Variants in KATNIP observed in about 807,000 individuals in gnomAD.
KATNIP encodes the protein katanin-interacting protein.
In KATNIP, 126 loss-of-function variants were observed where a neutral mutation model predicts 174.0. The observed-to-expected ratio is 0.72, with a 90% CI of 0.63 to 0.84. The LOEUF (loss-of-function observed/expected upper bound fraction) is 0.84, where lower values mean the gene tolerates loss of function less well. Ranked by LOEUF, KATNIP falls within the 40% of genes least tolerant of loss-of-function variation. The pLI is 0.00. For synonymous variants in KATNIP, 810 were observed against 835.7 expected (o/e 0.97, Z 0.53); for missense variants, 1,958 against 2,109.7 (o/e 0.93, Z 1.41).
chr16:27,559,268 T>C (rs2089753357), intron 1 of KATNIP, among the ~76,000 whole-genome samples: 1 of 152,214 alleles, frequency 6.6e-6, no homozygotes, highest in South Asian at 2.1e-4. Flanking sequence ...ATAGAATTTC[T>C]CTGGGGAATT....
At chr16:27,721,719 C>CA in intron 14 of KATNIP, 24 bp downstream of exon 14, 6 of 1,610,224 alleles carry the variant, frequency 3.7e-6, no homozygotes, top group Non-Finnish European at 5.1e-6. Context: ...GCTGGTTCCC[C>CA]ACTGGGCACT....
In KATNIP at chr16:27,645,949, G is replaced by A. The variant is rs778182271; in HGVS notation, c.409-2655G>A. Among the ~76,000 whole-genome samples the A allele has an allele frequency of 4.0e-4, 61 of 152,194 alleles. 1 individual carries two copies. Among genetic ancestry groups the A allele is most frequent in the Non-Finnish European group, 7.8e-4 (53 of 68,046 alleles). On this transcript the variant is annotated intron_variant, in intron 5 of 27. Transcript: ENST00000261588. ...AGTGGGGCACATGGCCACCTCAGTA[G>A]AGTCAGGCAGCTGACAGATACCAGG...
intron 6 of KATNIP, among the ~76,000 whole-genome samples, chr16:27,660,659 TGGG>T (rs2077447851): frequency 6.7e-6 from 1 of 148,336 alleles, no homozygotes; most frequent in African/African-American, 2.5e-5. Flanking sequence ...TTTTAAGAGA[TGGG>T]GTCTCACTAC....
chr16:27,565,366 T>C (rs2090044268), intron 1 of KATNIP, among the ~76,000 whole-genome samples: 1 of 150,540 alleles, frequency 6.6e-6, no homozygotes. Flanking sequence ...CTTGGGAGGC[T>C]GAGGTGGGAG....
chr16:27,745,997 C>A (rs1189395307), intron 15 of KATNIP, among the ~76,000 whole-genome samples: 1 of 121,796 alleles, frequency 8.2e-6, no homozygotes, highest in Non-Finnish European at 1.6e-5. Context: ...TGGAGTCTTG[C>A]TATGTCACCC....
chr16:27,563,001 G>A (rs1452923541), intron 1 of KATNIP, among the ~76,000 whole-genome samples: 2 of 152,042 alleles, frequency 1.3e-5, no homozygotes, highest in African/African-American at 4.8e-5. Flanking sequence ...TCAGAAATTC[G>A]GTCATTTACT....
At chr16:27,601,187 A>G (rs965142094) in intron 2 of KATNIP, among the ~76,000 whole-genome samples, 1 of 151,922 alleles carries the variant, frequency 6.6e-6, no homozygotes, top group Non-Finnish European at 1.5e-5. Flanking sequence ...AATCCTTTAT[A>G]AGCTCCTTGT....
chr16:27,617,326 C>T (rs2076070597), intron 2 of KATNIP, among the ~76,000 whole-genome samples: 1 of 152,182 alleles, frequency 6.6e-6, no homozygotes, highest in African/African-American at 2.4e-5. Context: ...GCTTCATTCT[C>T]AGGCGGTTCC....
intron 6 of KATNIP, chr16:27,669,395 A>G: frequency 1.5e-6 from 1 of 653,674 alleles, no homozygotes; most frequent in African/African-American, 2.0e-5. Context: ...CCTGGCCTCC[A>G]TGCAGAGGGC....
chr16:27,756,029 C>T (rs2081710349), intron 18 of KATNIP, among the ~76,000 whole-genome samples: 1 of 152,048 alleles, frequency 6.6e-6, no homozygotes, highest in African/African-American at 2.4e-5. Flanking sequence ...CTTCCCGCCA[C>T]CAGAGGACTA....
At chr16:27,654,710 A>G in intron 6 of KATNIP, 1 of 1,352,014 alleles carries the variant, frequency 7.4e-7, no homozygotes, top group Non-Finnish European at 9.8e-7. Context: ...CAAAGAAAGG[A>G]TCCTCTTAAC....
At chr16:27,574,233 A>T (rs1056627208) in intron 2 of KATNIP, 3 of 436,382 alleles carry the variant, frequency 6.9e-6, no homozygotes, top group African/African-American at 6.0e-5. Context: ...TAAAACAACA[A>T]CCATATATTT....
intron 2 of KATNIP, among the ~76,000 whole-genome samples, chr16:27,603,238 T>C (rs1490009603): frequency 2.6e-5 from 4 of 152,220 alleles, no homozygotes; most frequent in Admixed American, 6.5e-5. Flanking sequence ...CTGGCAATCA[T>C]TGAACTATGC....
At chr16:27,701,161 TA>T (rs2079086305) in intron 10 of KATNIP, among the ~76,000 whole-genome samples, 1 of 152,072 alleles carries the variant, frequency 6.6e-6, no homozygotes, top group Non-Finnish European at 1.5e-5. Context: ...GATTTTTTTT[TA>T]TTTTTTATTT....
At chr16:27,555,475 A>G (rs1425745367) in intron 1 of KATNIP, among the ~76,000 whole-genome samples, 1 of 152,176 alleles carries the variant, frequency 6.6e-6, no homozygotes, top group Non-Finnish European at 1.5e-5. Flanking sequence ...AGTAAAATGG[A>G]CATGATAATG....
chr16:27,612,727 C>T (rs957118776), intron 2 of KATNIP, among the ~76,000 whole-genome samples: 7 of 151,884 alleles, frequency 4.6e-5, no homozygotes, highest in African/African-American at 1.7e-4. Context: ...CCACTGAACT[C>T]CAGCCTGGGC....
intron 6 of KATNIP, among the ~76,000 whole-genome samples, chr16:27,659,475 C>T (rs1431979127): frequency 6.6e-6 from 1 of 151,596 alleles, no homozygotes; most frequent in Non-Finnish European, 1.5e-5. Flanking sequence ...GCACCACTAC[C>T]CTCCAGCCTG....
intron 8 of KATNIP, among the ~76,000 whole-genome samples, chr16:27,688,460 G>A (rs972987774): frequency 1.3e-5 from 2 of 151,976 alleles, no homozygotes; most frequent in Non-Finnish European, 1.5e-5. Context: ...ACATGGTGGC[G>A]GTCACCTGTG....
intron 2 of KATNIP, among the ~76,000 whole-genome samples, chr16:27,610,088 T>C (rs1394836732): frequency 6.6e-6 from 1 of 152,098 alleles, no homozygotes; most frequent in Non-Finnish European, 1.5e-5. Context: ...CAGGACCTCA[T>C]GGCCACTGGG....
Sources: allele counts gnomAD v4.1 joint callset (sites outside exome capture counted in the v4.1 genomes callset), GRCh38; gene constraint gnomAD v4.1.1; transcripts MANE v1.5; gene names NCBI Gene and HGNC (gene_info 2026-07-23, HGNC 2026-07-21).